Variants in EMSY observed in about 807,000 individuals in gnomAD.
EMSY encodes the protein BRCA2-interacting transcriptional repressor EMSY.
In EMSY, 26 loss-of-function variants were observed where a neutral mutation model predicts 134.6. The observed-to-expected ratio is 0.19, with a 90% CI of 0.14 to 0.27. The LOEUF is 0.27. EMSY is among the 10% of genes least tolerant of loss of function. The pLI is 1.00. For synonymous variants in EMSY, 579 were observed against 577.8 expected, an observed-to-expected ratio of 1.00 and a Z score of -0.03; for missense variants, 1,305 against 1,611.4, an observed-to-expected ratio of 0.81 and a Z score of 3.26.
At chr11:76,463,171 G>T (rs1394307944) in intron 6 of EMSY, among the ~76,000 whole-genome samples, 1 of 151,910 alleles carries the variant, frequency 6.6e-6, no homozygotes, top group Non-Finnish European at 1.5e-5. Flanking sequence ...ATAAAAATTA[G>T]CTGACTGTGG....
intron 4 of EMSY, among the ~76,000 whole-genome samples, chr11:76,455,090 A>G (rs750516990): frequency 5.3e-5 from 8 of 152,076 alleles, no homozygotes; most frequent in Non-Finnish European, 1.2e-4. Flanking sequence ...TTGCCAAAAT[A>G]TTTTTGGATA....
intron 4 of EMSY, 27 bp from the exon 5 acceptor site, chr11:76,454,722 C>A: frequency 7.2e-7 from 1 of 1,395,460 alleles, no homozygotes; most frequent in South Asian, 1.3e-5. Context: ...TTTATTTAGT[C>A]TCCTTTTCCT....
intron 9 of EMSY, among the ~76,000 whole-genome samples, chr11:76,499,884 G>C (rs946807537): frequency 1.3e-5 from 2 of 151,738 alleles, no homozygotes; most frequent in African/African-American, 4.8e-5. Context: ...CAAGACCTCT[G>C]CCCTTTTGTA....
chr11:76,542,257 C>T (rs534551359), exon 18 of EMSY: 9 of 1,614,182 alleles, frequency 5.6e-6, no homozygotes, highest in Admixed American at 1.7e-5. Context: ...CCAGCCCCAG[C>T]GGACCCTGCT....
At position 76,472,761 on chromosome 11, in the gene EMSY, A is replaced by G. The variant is rs946910772; in HGVS notation, c.1029A>G (p.Pro343=). 3.1e-6 allele frequency: 5 copies of G among 1,614,084 alleles called. No individual in the cohort carries two copies. In the African/African-American group the frequency reaches 5.3e-5, roughly 17 times the overall value. ...GCAGTGGCAGCAGCAGTTCTACACC[A>G]TCACCTATTCCTAATACAGTTGCAG... Residue 343 remains proline (P), a synonymous_variant, in exon 8 of 21, where the codon CCA becomes CCG. Transcript: ENST00000334736.
At chr11:76,503,786 A>AATTT (rs1300906674) in intron 9 of EMSY, among the ~76,000 whole-genome samples, 1 of 152,046 alleles carries the variant, frequency 6.6e-6, no homozygotes, top group Non-Finnish European at 1.5e-5. Context: ...TATTCAATTT[A>AATTT]ATTTATTTAT....
intron 18 of EMSY, among the ~76,000 whole-genome samples, chr11:76,543,841 A>G (rs1951537369): frequency 6.6e-6 from 1 of 152,170 alleles, no homozygotes; most frequent in Non-Finnish European, 1.5e-5. Flanking sequence ...GGACCTACAC[A>G]TAGCCATGGT....
At chr11:76,544,175 G>C (rs1304467727) in intron 18 of EMSY, 84 bp from the exon 20 acceptor site, 1 of 1,359,652 alleles carries the variant, frequency 7.4e-7, no homozygotes, top group Admixed American at 2.6e-5. Context: ...AGTGAATCTC[G>C]TAAGTCTTTT....
At chr11:76,481,137 G>A (rs1027794317) in intron 8 of EMSY, among the ~76,000 whole-genome samples, 8 of 152,056 alleles carry the variant, frequency 5.3e-5, no homozygotes, top group South Asian at 2.1e-4. Flanking sequence ...TCTGCCTCCC[G>A]GGTTCACACC....
intron 8 of EMSY, among the ~76,000 whole-genome samples, chr11:76,484,928 CAA>C (rs201336578): frequency 2.8e-5 from 3 of 105,846 alleles, no homozygotes; most frequent in African/African-American, 3.9e-5. Context: ...AACTCCATCT[CAA>C]AAAAAAAAAA....
intron 14 of EMSY, among the ~76,000 whole-genome samples, chr11:76,531,033 C>T (rs150367906): frequency 2.8e-4 from 43 of 152,014 alleles, no homozygotes; most frequent in Non-Finnish European, 5.3e-4. Flanking sequence ...TACATTTTGC[C>T]CTATTTGCTT....
Position 76,537,827 on chromosome 11 carries a change from C to G in EMSY, c.2392C>G (p.Pro798Ala), listed in dbSNP as rs142876372. 5.5e-5 allele frequency: 88 copies of G among 1,609,290 alleles called. No homozygotes were observed. The Middle Eastern group carries it at 9.9e-4, about 18-fold the overall frequency. The change falls in exon 16 of 21, where the codon CCC becomes GCC. Residue 798 changes from proline to alanine, a missense_variant. Physicochemically the swap from Pro to Ala is conservative, Grantham distance 27 (BLOSUM62 -1). Around this residue, in one of 7 missense-constraint regions of EMSY, gnomAD observed 664 missense variants for 763.9 expected, o/e 0.87. Coordinates refer to ENST00000334736, the Ensembl canonical transcript of EMSY. Reference sequence around the variant, plus strand: ...AAAATTGGAATCTAAACCAAGACAACCCACTATTGACCTGAGTCAAATGGC... The same window carrying G: ...AAAATTGGAATCTAAACCAAGACAAGCCACTATTGACCTGAGTCAAATGGC...
intron 8 of EMSY, among the ~76,000 whole-genome samples, chr11:76,490,737 A>T (rs1283564306): frequency 6.6e-6 from 1 of 152,138 alleles, no homozygotes; most frequent in Non-Finnish European, 1.5e-5. Flanking sequence ...GGTTCATCTT[A>T]TACTTTTCCT....
chr11:76,496,915 C>G (rs768456326), intron 9 of EMSY: 46 of 277,880 alleles, frequency 1.7e-4, no homozygotes, highest in Non-Finnish European at 2.6e-4. Flanking sequence ...CTAGAACTTC[C>G]AATACTATGC....
chr11:76,467,549 G>A (rs1268490895), intron 7 of EMSY, among the ~76,000 whole-genome samples: 1 of 152,174 alleles, frequency 6.6e-6, no homozygotes, highest in African/African-American at 2.4e-5. Context: ...ATTCTTCAAT[G>A]TATTCCCTAG....
At chr11:76,505,097 A>T (rs540209483) in intron 9 of EMSY, among the ~76,000 whole-genome samples, 2 of 152,344 alleles carry the variant, frequency 1.3e-5, no homozygotes, top group South Asian at 4.1e-4. Flanking sequence ...ATGGCTGAAC[A>T]TATCTGTGAA....
At chr11:76,466,189 A>G (rs1354766752) in intron 7 of EMSY, among the ~76,000 whole-genome samples, 1 of 152,052 alleles carries the variant, frequency 6.6e-6, no homozygotes, top group Non-Finnish European at 1.5e-5. Context: ...TTCCCTTAGG[A>G]TGGGGGAGAA....
chr11:76,491,093 C>G (rs555892092), intron 8 of EMSY, among the ~76,000 whole-genome samples: 183 of 152,192 alleles, frequency 1.2e-3, no homozygotes, highest in African/African-American at 4.4e-3. Flanking sequence ...GCCTCCTCCC[C>G]TGTGCAGGTG....
intron 2 of EMSY, among the ~76,000 whole-genome samples, chr11:76,451,140 A>G (rs1351721421): frequency 1.3e-5 from 2 of 152,170 alleles, no homozygotes; most frequent in Non-Finnish European, 2.9e-5. Flanking sequence ...GAGAGAGTGC[A>G]ATGAAGATGT....
Sources: allele counts gnomAD v4.1 joint callset (sites outside exome capture counted in the v4.1 genomes callset), GRCh38; gene constraint gnomAD v4.1.1; regional missense constraint gnomAD v4.1.1; transcripts MANE v1.5; gene names NCBI Gene and HGNC (gene_info 2026-07-23, HGNC 2026-07-21).